Variants in CPXM2 observed in about 807,000 individuals in gnomAD.
CPXM2 encodes the protein carboxypeptidase X, M14 family member 2.
Under a neutral mutation model 86.1 loss-of-function variants are expected in CPXM2, and 66 were observed. The ratio of observed to expected loss-of-function variants is 0.77; its 90% CI spans 0.63 to 0.94. The LOEUF is 0.94. Ranked by LOEUF, CPXM2 falls within the 40% of genes least tolerant of loss-of-function variation. The pLI is 0.00. For synonymous variants in CPXM2, 388 were observed against 400.2 expected (o/e 0.97, Z 0.36); for missense variants, 948 against 1,026.3 (o/e 0.92, Z 1.04).
chr10:123,874,052 G>A (rs1464050845), intron 2 of CPXM2, among the ~76,000 whole-genome samples: 2 of 151,758 alleles, frequency 1.3e-5, no homozygotes, highest in African/African-American at 2.4e-5. Flanking sequence ...TAGAGATGGG[G>A]TTTCACCACA....
intron 3 of CPXM2, among the ~76,000 whole-genome samples, chr10:123,854,250 G>A (rs1193201354): frequency 6.7e-5 from 10 of 149,352 alleles, no homozygotes; most frequent in African/African-American, 1.5e-4. Context: ...GGATGTGGGC[G>A]TGGGAGAGCC....
intron 3 of CPXM2, among the ~76,000 whole-genome samples, chr10:123,848,124 G>A (rs1848534978): frequency 6.6e-6 from 1 of 152,202 alleles, no homozygotes; most frequent in South Asian, 2.1e-4. Context: ...TAGATTATCA[G>A]CAAGTTAATG....
At chr10:123,809,114 C>T (rs930316794) in intron 4 of CPXM2, among the ~76,000 whole-genome samples, 2 of 152,058 alleles carry the variant, frequency 1.3e-5, no homozygotes, top group African/African-American at 4.8e-5. Flanking sequence ...GGCTTCCTGC[C>T]CATTAGTCAC....
At chr10:123,884,801 C>T (rs1273640321) in intron 1 of CPXM2, among the ~76,000 whole-genome samples, 1 of 152,170 alleles carries the variant, frequency 6.6e-6, no homozygotes, top group Non-Finnish European at 1.5e-5. Context: ...TCAGTCCCAC[C>T]CTCCTCTGGG....
intron 4 of CPXM2, among the ~76,000 whole-genome samples, chr10:123,822,701 T>C (rs563986272): frequency 2.2e-5 from 3 of 139,124 alleles, no homozygotes; most frequent in African/African-American, 5.3e-5. Context: ...TTCAAAAAAG[T>C]AGGCAGCAGA....
At chr10:123,807,706 C>T (rs1046095443) in intron 4 of CPXM2, among the ~76,000 whole-genome samples, 1 of 152,150 alleles carries the variant, frequency 6.6e-6, no homozygotes, top group African/African-American at 2.4e-5. Context: ...GAACATAGTC[C>T]TGATCTAACA....
intron 4 of CPXM2, among the ~76,000 whole-genome samples, chr10:123,838,026 C>T (rs1437209813): frequency 2.6e-5 from 4 of 152,244 alleles, no homozygotes; most frequent in Non-Finnish European, 4.4e-5. Flanking sequence ...AGACTGAAAG[C>T]TCCCTGCAGG....
chr10:123,932,470 C>T (rs1465954173), intron 2 of CPXM2, among the ~76,000 whole-genome samples: 2 of 152,188 alleles, frequency 1.3e-5, no homozygotes, highest in African/African-American at 4.8e-5. Context: ...AGACACATTC[C>T]ATAGATTTCC....
At chr10:123,759,111 A>G (rs1253284279) in intron 11 of CPXM2, among the ~76,000 whole-genome samples, 3 of 152,168 alleles carry the variant, frequency 2.0e-5, no homozygotes, top group Non-Finnish European at 4.4e-5. Flanking sequence ...GCAGTGGAAT[A>G]AAAAGGGTGG....
At chr10:123,826,962 T>C (rs1848060859) in intron 4 of CPXM2, among the ~76,000 whole-genome samples, 1 of 152,220 alleles carries the variant, frequency 6.6e-6, no homozygotes, top group African/African-American at 2.4e-5. Flanking sequence ...ACAAACTCTC[T>C]AGACTGTAAT....
chr10:123,897,703 C>T (rs1326512802), intron 2 of CPXM2, among the ~76,000 whole-genome samples: 1 of 152,214 alleles, frequency 6.6e-6, no homozygotes, highest in Non-Finnish European at 1.5e-5. Context: ...CTTCTGTGGT[C>T]ACTTAATGCA....
chr10:123,835,161 G>A (rs537722741), intron 4 of CPXM2, among the ~76,000 whole-genome samples: 1 of 152,340 alleles, frequency 6.6e-6, no homozygotes, highest in African/African-American at 2.4e-5. Flanking sequence ...CAGGGAAGGA[G>A]GCCCACAGCA....
intron 2 of CPXM2, chr10:123,913,716 C>T (rs572224900): frequency 2.3e-5 from 5 of 212,998 alleles, no homozygotes; most frequent in Admixed American, 2.2e-4. Context: ...GGGTGGGGAG[C>T]GAGAAAAAGA....
At chr10:123,899,763 A>G (rs1235147984) in intron 2 of CPXM2, among the ~76,000 whole-genome samples, 1 of 152,214 alleles carries the variant, frequency 6.6e-6, no homozygotes, top group Non-Finnish European at 1.5e-5. Context: ...GATCCTTACC[A>G]CACACGAAAG....
intron 2 of CPXM2, among the ~76,000 whole-genome samples, chr10:123,897,175 T>A (rs893756634): frequency 6.6e-6 from 1 of 151,610 alleles, no homozygotes; most frequent in African/African-American, 2.4e-5. Context: ...GGACATGACT[T>A]CCTCACAGAC....
At chr10:123,911,062 C>T (rs921262148) in intron 2 of CPXM2, among the ~76,000 whole-genome samples, 6 of 152,200 alleles carry the variant, frequency 3.9e-5, no homozygotes, top group African/African-American at 1.4e-4. Context: ...AAGCCCATCC[C>T]AAGGACCTCA....
chr10:123,823,883 T>A (rs1480024541), intron 4 of CPXM2, among the ~76,000 whole-genome samples: 1 of 152,174 alleles, frequency 6.6e-6, no homozygotes, highest in African/African-American at 2.4e-5. Flanking sequence ...GAGACCAGAA[T>A]TGAAACTGAG....
chr10:123,786,390 A>G (rs184832209), intron 6 of CPXM2, among the ~76,000 whole-genome samples: 3 of 152,332 alleles, frequency 2.0e-5, no homozygotes, highest in Admixed American at 2.0e-4. Flanking sequence ...AATGAGAGAC[A>G]GAGGCCCTGC....
chr10:123,905,749 C>G (rs1945433457), intron 2 of CPXM2, among the ~76,000 whole-genome samples: 1 of 152,138 alleles, frequency 6.6e-6, no homozygotes, highest in South Asian at 2.1e-4. Flanking sequence ...TCCCAGCCCT[C>G]TTGCCTGTAG....
Sources: gnomAD v4.1 joint callset for allele counts (sites outside exome capture counted in the v4.1 genomes callset) on GRCh38, gnomAD v4.1.1 for gene constraint, MANE v1.5 for transcripts, NCBI Gene and HGNC (gene_info 2026-07-23, HGNC 2026-07-21) for gene names.